Variants in ADAT1 observed in about 807,000 individuals in gnomAD.
The protein encoded by ADAT1 is adenosine deaminase tRNA specific 1, also known as tRNA-specific adenosine deaminase 1.
Under a neutral mutation model 58.6 loss-of-function variants are expected in ADAT1, and 58 were observed. That is an observed-to-expected ratio of 0.99 (90% CI 0.80 to 1.23). The LOEUF (loss-of-function observed/expected upper bound fraction) is 1.23. ADAT1 is among the 50% of genes most tolerant of loss of function. The probability of loss-of-function intolerance (pLI) is 0.00; values close to 1 mark genes in which losing one functional copy is unlikely to be tolerated. For synonymous variants in ADAT1, 254 were observed against 220.8 expected (o/e 1.15, Z -1.33); for missense variants, 741 against 608.6 (o/e 1.22, Z -2.29).
chr16:75,616,499 T>G (rs1264500240), intron 5 of ADAT1, among the ~76,000 whole-genome samples: 2 of 152,218 alleles, frequency 1.3e-5, no homozygotes, highest in Non-Finnish European at 2.9e-5. Flanking sequence ...TTTGCTGCCA[T>G]CCTGAGTTGT....
At chr16:75,610,245 G>C (rs2081488793) in intron 6 of ADAT1, among the ~76,000 whole-genome samples, 1 of 151,416 alleles carries the variant, frequency 6.6e-6, no homozygotes, top group African/African-American at 2.4e-5. Flanking sequence ...TGTTTATTAT[G>C]AATAATGCTG....
chr16:75,603,022 C>T (rs563987304), intron 9 of ADAT1, 63 bp downstream of exon 9: 2 of 1,473,216 alleles, frequency 1.4e-6, no homozygotes, highest in Non-Finnish European at 1.9e-6. Context: ...TCTTGCTACT[C>T]AGAAGCCAGA....
intron 8 of ADAT1, among the ~76,000 whole-genome samples, chr16:75,605,319 C>A (rs1215890385): frequency 1.3e-5 from 2 of 152,064 alleles, no homozygotes; most frequent in Non-Finnish European, 2.9e-5. Context: ...GAACTCCTGA[C>A]CTCAGGTTAT....
intron 8 of ADAT1, among the ~76,000 whole-genome samples, chr16:75,606,046 G>T (rs2081361591): frequency 1.1e-5 from 1 of 92,860 alleles, no homozygotes; most frequent in African/African-American, 4.1e-5. Flanking sequence ...TTGTTTTTTA[G>T]AGATTGGGGG....
intron 5 of ADAT1, among the ~76,000 whole-genome samples, chr16:75,613,692 C>T (rs1025223562): frequency 6.6e-6 from 1 of 152,164 alleles, no homozygotes; most frequent in Non-Finnish European, 1.5e-5. Context: ...CATACCTGGT[C>T]TCTACCTACT....
At position 75,600,298 on chromosome 16, in the gene ADAT1, T is replaced by C; in HGVS notation, c.1427A>G (p.Tyr476Cys). ...CCGGAGTGTGCTCCAGGCTTCCTGGTAAGAGGACGCAGCCTCCTTGTACTC... is the reference window on the plus strand; with the variant it reads ...CCGGAGTGTGCTCCAGGCTTCCTGGCAAGAGGACGCAGCCTCCTTGTACTC... ...YQEYKEAASS[Y>C]QEAWSTLRKQ... is the part of the protein sequence containing the mutation. Residue 476 changes from tyrosine to cysteine, a missense_variant, in exon 10 of 10, where the codon TAC (tyrosine) becomes TGC (cysteine). Physicochemically the swap from Tyr to Cys is radical, Grantham distance 194. Transcript: ENST00000564657. The C allele has an allele frequency of 6.2e-7, 1 of 1,614,120 alleles. No individual in the cohort carries two copies. The highest frequency in any genetic ancestry group is 2.2e-5 in the East Asian group (1 of 44,878).
Position 75,600,261 on chromosome 16 carries a change from A to G in ADAT1, c.1464T>C (p.Phe488=). ...CCGGTGGGTTTCTGATCCAGGATCC[A>G]AACACCTGCTTCCGGAGTGTGCTCC... ...EAWSTLRKQV[F]GSWIRNPPDY... is the part of the protein sequence containing the mutation. The change falls in exon 10 of 10, where the codon TTT becomes TTC. Residue 488 remains phenylalanine, a synonymous_variant. Transcript: ENST00000564657. 1.2e-6 allele frequency: 2 copies of G among 1,614,212 alleles called. No homozygotes were observed. The highest frequency in any genetic ancestry group is 1.1e-5 in the South Asian group (1 of 91,082).
chr16:75,608,981 T>C lies in ADAT1; in HGVS notation c.1051A>G (p.Asn351Asp), dbSNP rs758008528. The change falls in exon 7 of 10, where the codon AAT (asparagine) becomes GAT (aspartate). Residue 351 changes from asparagine (N) to aspartate (D), a missense_variant. Asn to Asp is a conservative substitution (Grantham distance 23). Coordinates refer to ENST00000564657, the MANE Select transcript of ADAT1 (RefSeq NM_001324445.2). ...MQRALIGRCQ[N>D]VSALPKGFGV... is the part of the protein sequence containing the mutation. ...AAGCCTTTTGGTAAAGCAGACACAT[T>C]CTGACACCTAAATACAAGGGAAAAT... 1.2e-6 allele frequency: 2 copies of C among 1,614,192 alleles called. No individual in the cohort carries two copies. The highest frequency in any genetic ancestry group is 3.3e-5 in the Admixed American group (2 of 60,008).
intron 5 of ADAT1, among the ~76,000 whole-genome samples, chr16:75,615,891 G>C (rs943409238): frequency 5.9e-5 from 9 of 152,154 alleles, no homozygotes; most frequent in Admixed American, 2.0e-4. Flanking sequence ...TTTGGGCCTT[G>C]GACTAGGGCC....
In ADAT1 at chr16:75,598,916, A is replaced by T; in HGVS notation, c.*1300T>A. The T allele has an allele frequency of 2.0e-6, 2 of 985,244 alleles. No individual in the cohort carries two copies. The highest frequency in any genetic ancestry group is 2.4e-6 in the Non-Finnish European group (2 of 829,862). 61.0% of individuals were successfully genotyped at this position (985,244 alleles called of 1,614,324 possible). On this transcript the variant is annotated 3_prime_UTR_variant, in exon 10 of 10. Transcript: ENST00000564657. ...TATTTAAAAATATTTATAGCCACAAAATGCTGAAGAACCAATAAGGACCTT... is the reference window on the plus strand; with the variant it reads ...TATTTAAAAATATTTATAGCCACAATATGCTGAAGAACCAATAAGGACCTT...
chr16:75,599,210 T>G lies in ADAT1; in HGVS notation c.*1006A>C. The G allele has an allele frequency of 1.2e-6, 1 of 855,478 alleles. No individual in the cohort carries two copies. The highest frequency in any genetic ancestry group is 1.4e-6 in the Non-Finnish European group (1 of 713,106). 53.0% of individuals were successfully genotyped at this position (855,478 alleles called of 1,614,324 possible). A position where few individuals can be genotyped will look rare whatever the true frequency, so the allele number is the denominator to read the frequency against. On this transcript the variant is annotated 3_prime_UTR_variant, in exon 10 of 10. Coordinates refer to ENST00000564657, the MANE Select transcript of ADAT1 (RefSeq NM_001324445.2). ...AATTCTCCTGCCTCAGCCTCCCGAG[T>G]AGCTAGGATTACAGGTGTGCGCCAC...
Position 75,618,568 on chromosome 16 carries a change from C to T in ADAT1, c.293+18G>A. 3.2e-6 allele frequency: 5 copies of T among 1,552,214 alleles called. No individual in the cohort carries two copies. In the South Asian group the frequency reaches 4.7e-5, roughly 15 times the overall value. On this transcript the variant is annotated intron_variant, in intron 4 of 9. Coordinates refer to ENST00000564657, the MANE Select transcript of ADAT1 (RefSeq NM_001324445.2). ...CACCCCAGTCCTGCTGAACCATACT[C>T]TGGAGATGTGGCTTTACCTTTGGAA...
intron 9 of ADAT1, among the ~76,000 whole-genome samples, chr16:75,602,155 G>A (rs1189248179): frequency 2.0e-5 from 3 of 152,062 alleles, no homozygotes; most frequent in Non-Finnish European, 4.4e-5. Flanking sequence ...TTGAACTCTT[G>A]GGAGAGGAGG....
intron 5 of ADAT1, 98 bp downstream of exon 5, chr16:75,617,044 A>C: frequency 6.9e-7 from 1 of 1,452,742 alleles, no homozygotes; most frequent in Non-Finnish European, 9.3e-7. Flanking sequence ...TGGCTACTTC[A>C]GCCATTAGTG....
chr16:75,618,640 C>T lies in ADAT1; in HGVS notation c.239G>A (p.Gly80Glu). 1.9e-6 allele frequency: 3 copies of T among 1,612,800 alleles called. No individual in the cohort carries two copies. Among genetic ancestry groups the T allele is most frequent in the Non-Finnish European group, 2.5e-6 (3 of 1,179,480 alleles). ...AGCATGGCTATCATTGAGGATGTCT[C>T]CTGCGGCAAAGATAGGACACCAGGT... is the stretch of plus-strand genomic sequence containing the variant. ...CIGQSKMRKN[G>E]DILNDSHAEV... The change falls in exon 4 of 10, where the codon GGA becomes GAA. Residue 80 changes from glycine (G) to glutamate (E), a missense_variant and splice_region_variant. Physicochemically the swap from Gly to Glu is moderately conservative, Grantham distance 98. Transcript: ENST00000564657.
intron 5 of ADAT1, among the ~76,000 whole-genome samples, chr16:75,614,873 T>C (rs1358775130): frequency 5.3e-5 from 8 of 152,126 alleles, no homozygotes; most frequent in Non-Finnish European, 1.0e-4. Context: ...TTCCTGAAGA[T>C]TTTTAAGATG....
rs906907559 is a variant in ADAT1 at position 75,601,341 on chromosome 16, C to CAA, written c.1377-995_1377-994dup. Among the ~76,000 whole-genome samples, 8 of 139,486 alleles carry CAA rather than the reference C, an allele frequency of 5.7e-5. No homozygotes were observed. In the East Asian group the frequency reaches 6.1e-4, roughly 11 times the overall value. 91.5% of individuals were successfully genotyped at this position (139,486 alleles called of 152,430 possible). On this transcript the variant is annotated intron_variant, in intron 9 of 9. Coordinates refer to ENST00000564657, the MANE Select transcript of ADAT1 (RefSeq NM_001324445.2). ...TGGGCGACAGAGCAAGACACTGTCT[C>CAA]AAAAAAAAAAAAATACAGTAACTAC... is the stretch of plus-strand genomic sequence containing the variant.
At position 75,620,709 on chromosome 16, in the gene ADAT1, A is replaced by G; in HGVS notation, c.91T>C (p.Trp31Arg). Residue 31 changes from tryptophan (W) to arginine (R), a missense_variant, in exon 2 of 10, where the codon TGG becomes CGG. Physicochemically the swap from Trp to Arg is moderately radical, Grantham distance 101. Transcript: ENST00000564657. ...KKGKPEPNHE[W>R]TLLAAVVKIQ... is the part of the protein sequence containing the mutation. ...TTCACCACCGCTGCCAATAATGTCC[A>G]CTCATGGTTTGGCTCAGGCTTCCCC... 6.2e-7 allele frequency: 1 copy of G among 1,613,956 alleles called. No individual in the cohort carries two copies. The highest frequency in any genetic ancestry group is 2.2e-5 in the East Asian group (1 of 44,876).
In ADAT1 at chr16:75,600,230, GATA is replaced by G; in HGVS notation, c.1492_1494del (p.Tyr498del). 6.2e-7 allele frequency: 1 copy of G among 1,614,192 alleles called. No homozygotes were observed. Among genetic ancestry groups the G allele is most frequent in the Non-Finnish European group, 8.5e-7 (1 of 1,180,014 alleles). On this transcript the variant is annotated inframe_deletion, in exon 10 of 10. Coordinates refer to ENST00000564657, the MANE Select transcript of ADAT1 (RefSeq NM_001324445.2). The stretch of plus-strand genomic sequence containing the variant: ...ACATTTCCTTCTCACTTGAACTGGT[GATA>G]ATCCGGTGGGTTTCTGATCCAGGAT...
Sources: gnomAD v4.1 joint callset for allele counts (sites outside exome capture counted in the v4.1 genomes callset) on GRCh38, gnomAD v4.1.1 for gene constraint, MANE v1.5 for transcripts, NCBI Gene and HGNC (gene_info 2026-07-23, HGNC 2026-07-21) for gene names.